MYBPC2: variants seen among roughly 807,000 people sequenced by gnomAD.
The protein encoded by MYBPC2 is myosin binding protein C2.
A neutral mutation model predicts 137.0 loss-of-function variants in MYBPC2; 122 were observed. The observed-to-expected ratio is 0.89, with a 90% CI of 0.77 to 1.03. The LOEUF is 1.03. Among genes scored for constraint, MYBPC2 ranks in the 50% least tolerant of loss-of-function variants. The pLI is 0.00. For synonymous variants in MYBPC2, 626 were observed against 612.3 expected (o/e 1.02, Z -0.33); for missense variants, 1,500 against 1,534.4 (o/e 0.98, Z 0.37).
At chr19:50,444,971 T>TG (rs1181590090) in intron 11 of MYBPC2, among the ~76,000 whole-genome samples, 1 of 150,358 alleles carries the variant, frequency 6.7e-6, no homozygotes, top group Admixed American at 6.7e-5. Context: ...GTGGTGGTGG[T>TG]GTGTGTGTAT....
At chr19:50,452,500 G>GTATCTATCTATCTATC (rs1456535214) in intron 16 of MYBPC2, among the ~76,000 whole-genome samples, 3,033 of 93,356 alleles carry the variant, frequency 0.032, 44 homozygotes, top group South Asian at 0.064. Flanking sequence ...ATGTATGTAT[G>GTATCTATCTATCTATC]TATGTATGTA....
At chr19:50,451,237 T>A (rs760850897) in intron 14 of MYBPC2, 43 bp from the exon 15 acceptor site, 2 of 1,610,524 alleles carry the variant, frequency 1.2e-6, no homozygotes, top group Non-Finnish European at 1.7e-6. Context: ...GTGAGGGGCC[T>A]GCTGAGTTTA....
chr19:50,450,721 A>G, intron 13 of MYBPC2, 108 bp from the exon 14 acceptor site: 1 of 731,848 alleles, frequency 1.4e-6, no homozygotes, highest in Non-Finnish European at 2.3e-6. Flanking sequence ...CCTGGATAAG[A>G]ATGCAGGCAT....
chr19:50,445,954 G>GC lies in MYBPC2; in HGVS notation c.1210dup (p.His404ProfsTer26). On this transcript the variant is annotated frameshift_variant, in exon 12 of 28. Coordinates refer to ENST00000357701, the MANE Select transcript of MYBPC2 (RefSeq NM_004533.4). LOFTEE classifies it high-confidence loss of function. ...TACCGCTTCAAGAAGGACGGGAAGCGCCACATCCTCATCTTCTCAGACGTG... is the reference window on the plus strand; with the variant it reads ...TACCGCTTCAAGAAGGACGGGAAGCGCCCACATCCTCATCTTCTCAGACGTG... 6.2e-7 allele frequency: 1 copy of GC among 1,612,418 alleles called. No homozygotes were observed. Among genetic ancestry groups the GC allele is most frequent in the Non-Finnish European group, 8.5e-7 (1 of 1,179,328 alleles).
In MYBPC2 at chr19:50,462,032, C is replaced by T. The variant is rs545146095; in HGVS notation, c.3224C>T (p.Pro1075Leu). 172 of 1,572,354 alleles carry T rather than the reference C, an allele frequency of 1.1e-4. 3 individuals carry two copies. In the South Asian group the frequency reaches 2.0e-3, roughly 18 times the overall value. The change falls in exon 26 of 28, where the codon CCG becomes CTG. Residue 1075 changes from proline (P) to leucine (L), a missense_variant. Pro to Leu is a moderately conservative substitution (Grantham distance 98, BLOSUM62 -3). Transcript: ENST00000357701. ...CTCAACTGTGCTGTCAGAGGCCACC[C>T]GAAGGTGCCAGGGCAGGGACCCAGA... is the stretch of plus-strand genomic sequence containing the variant. ...AALNCAVRGH[P>L]KPKVVWMKNK...
Position 50,455,190 on chromosome 19 carries a change from G to T in MYBPC2, c.2097G>T (p.Glu699Asp). The change falls in exon 19 of 28, where the codon GAG (glutamate) becomes GAT (aspartate). Residue 699 changes from glutamate to aspartate, a missense_variant. Physicochemically the swap from Glu to Asp is conservative, Grantham distance 45. Coordinates refer to ENST00000357701, the MANE Select transcript of MYBPC2 (RefSeq NM_004533.4). ...NFEVFTETTY[E>D]STKMIEGILY... ...AGGTCTTCACAGAGACCACCTATGA[G>T]TCCACCAAGATGATCGAGGGCATCC... 2.5e-6 allele frequency: 4 copies of T among 1,613,870 alleles called. No individual in the cohort carries two copies. The East Asian group carries it at 8.9e-5, about 36-fold the overall frequency.
At chr19:50,436,549 A>G (rs2039705272) in intron 4 of MYBPC2, 68 bp from the exon 5 acceptor site, 9 of 1,355,622 alleles carry the variant, frequency 6.6e-6, no homozygotes, top group African/African-American at 5.7e-5. Flanking sequence ...CTATGAGTGG[A>G]CTCTGAGGAA....
At chr19:50,438,894 G>A (rs1391689076) in intron 7 of MYBPC2, among the ~76,000 whole-genome samples, 3 of 151,804 alleles carry the variant, frequency 2.0e-5, no homozygotes, top group East Asian at 1.9e-4. Context: ...ATTAAATATC[G>A]GCAATCTCAT....
Position 50,459,027 on chromosome 19 carries a change from G to A in MYBPC2, c.2595+21G>A, listed in dbSNP as rs762844266. 3.1e-6 allele frequency: 5 copies of A among 1,596,458 alleles called. No individual in the cohort carries two copies. In the African/African-American group the frequency reaches 4.0e-5, roughly 13 times the overall value. ...TCCAGGTCAGGGGAGCGGGGTCACG[G>A]GCCGGGGGTCCGCTCTCGCCGCAAG... On this transcript the variant is annotated intron_variant, in intron 22 of 27. Coordinates refer to ENST00000357701, the MANE Select transcript of MYBPC2 (RefSeq NM_004533.4).
rs752223695 is a variant in MYBPC2 at position 50,448,333 on chromosome 19, A to G, written c.1415A>G (p.Tyr472Cys). The G allele has an allele frequency of 1.7e-5, 27 of 1,613,830 alleles. No homozygotes were observed. In the Middle Eastern group the frequency reaches 6.6e-4, roughly 39 times the overall value. The change falls in exon 13 of 28, where the codon TAT becomes TGT. Residue 472 changes from tyrosine to cysteine, a missense_variant. By Grantham distance (194) the Tyr-to-Cys change is radical. Transcript: ENST00000357701. ...GATGAGAAAGTGACGGGCAAGTGGT[A>G]TAAGAATGGGGTCGAGGTGCGGCCC... ...VSDEKVTGKW[Y>C]KNGVEVRPSK...
chr19:50,448,921 A>G (rs2122596581), intron 13 of MYBPC2, among the ~76,000 whole-genome samples: 1 of 150,512 alleles, frequency 6.6e-6, no homozygotes, highest in Non-Finnish European at 1.5e-5. Context: ...GTCAAGACAG[A>G]GTTTCACCAT....
chr19:50,464,131 C>T, intron 26 of MYBPC2: 1 of 486,690 alleles, frequency 2.1e-6, no homozygotes, highest in Non-Finnish European at 3.7e-6. Flanking sequence ...GTCCTGAGAG[C>T]AATGGGAAGA....
chr19:50,450,872 G>T lies in MYBPC2; in HGVS notation c.1516G>T (p.Gly506Ter), dbSNP rs757537853. Residue 506 changes from glycine to a stop codon, truncating the protein, a stop_gained, in exon 14 of 28, where the codon GGA becomes TGA. Transcript: ENST00000357701. LOFTEE classifies it high-confidence loss of function. ...CGATGACGTCCGCCCCGAGGATGAG[G>T]GAGACTACACGTTTGTGCCTGACGG... ...VIDDVRPEDE[G>*]DYTFVPDGYA... is the part of the protein sequence containing the mutation. 1.3e-6 allele frequency: 2 copies of T among 1,580,806 alleles called. No homozygotes were observed. Among genetic ancestry groups the T allele is most frequent in the South Asian group, 2.3e-5 (2 of 85,776 alleles).
intron 11 of MYBPC2, 113 bp from the exon 12 acceptor site, chr19:50,445,767 C>T: frequency 1.8e-6 from 2 of 1,093,076 alleles, no homozygotes. Context: ...TGTCTCCTCC[C>T]TCCGGGGACC....
intron 9 of MYBPC2, 139 bp from the exon 10 acceptor site, chr19:50,443,355 C>T (rs909174452): frequency 5.2e-6 from 5 of 964,734 alleles, no homozygotes; most frequent in Non-Finnish European, 7.4e-6. Context: ...ATAATTGAAA[C>T]TGGGCCCTCA....
At chr19:50,434,643 C>T (rs894316505) in intron 1 of MYBPC2, among the ~76,000 whole-genome samples, 4 of 152,204 alleles carry the variant, frequency 2.6e-5, no homozygotes, top group African/African-American at 7.2e-5. Flanking sequence ...CTATGAGGAA[C>T]TCACCGCAGG....
Position 50,433,104 on chromosome 19 carries a change from T to TG in MYBPC2, c.19+133dup, listed in dbSNP as rs1365965580. 4.2e-6 allele frequency: 5 copies of TG among 1,185,464 alleles called. No homozygotes were observed. The Admixed American group carries it at 1.5e-4, about 36-fold the overall frequency. The allele number at this position is 1,185,464 out of a possible 1,614,324, so 73.4% of individuals were successfully genotyped here. Reference sequence around the variant, plus strand: ...TGTGAGGAGGAGGCTCCCTTTGCTGTGCGGGATGGGGGTTCCCGCATCAGT... The same window carrying TG: ...TGTGAGGAGGAGGCTCCCTTTGCTGTGGCGGGATGGGGGTTCCCGCATCAGT... On this transcript the variant is annotated intron_variant, in intron 1 of 27. Coordinates refer to ENST00000357701, the MANE Select transcript of MYBPC2 (RefSeq NM_004533.4).
Position 50,460,053 on chromosome 19 carries a change from C to A in MYBPC2, c.2805C>A (p.Pro935=). ...CCCCATTTCCAGAAAAGGCTGGGCC[C>A]CCCATAAACGTGATGGTGAAGGAGG... ...IRIRVVEKAG[P]PINVMVKEVW... is the part of the protein sequence containing the mutation. The change falls in exon 24 of 28, where the codon CCC becomes CCA. Residue 935 remains proline (P), a synonymous_variant. Transcript: ENST00000357701. The A allele has an allele frequency of 1.3e-6, 2 of 1,553,998 alleles. No homozygotes were observed. Among genetic ancestry groups the A allele is most frequent in the Non-Finnish European group, 1.7e-6 (2 of 1,148,722 alleles).
In MYBPC2 at chr19:50,459,125, C is replaced by T. The variant is rs769615941; in HGVS notation, c.2610C>T (p.Pro870=). 16 of 1,570,172 alleles carry T rather than the reference C, an allele frequency of 1.0e-5. No individual in the cohort carries two copies. The highest frequency in any genetic ancestry group is 1.3e-5 in the Non-Finnish European group (15 of 1,159,614). ...LVVPFQGKPR[P]QVVWTKGGAP... ...TCTCCCCGCAGGGAAAGCCCCGGCC[C>T]CAGGTGGTGTGGACCAAGGGCGGGG... The change falls in exon 23 of 28, where the codon CCC becomes CCT. Residue 870 remains proline, a synonymous_variant. Transcript: ENST00000357701.
Sources: gnomAD v4.1 joint callset for allele counts (sites outside exome capture counted in the v4.1 genomes callset) on GRCh38, gnomAD v4.1.1 for gene constraint, MANE v1.5 for transcripts, NCBI Gene and HGNC (gene_info 2026-07-23, HGNC 2026-07-21) for gene names.